The following HTR4 variants were observed in gnomAD, a reference collection of about 807,000 sequenced individuals.
The protein encoded by HTR4 is 5-hydroxytryptamine (serotonin) receptor 4, G protein-coupled.
HTR4 carries 16 observed loss-of-function variants against 36.8 expected under a neutral mutation model. The ratio of observed to expected loss-of-function variants is 0.43; its 90% CI spans 0.29 to 0.66. HTR4 has a LOEUF of 0.66. HTR4 is among the 30% of genes least tolerant of loss of function. The probability of loss-of-function intolerance (pLI) is 0.13; values close to 1 mark genes in which losing one functional copy is unlikely to be tolerated. For missense variants in HTR4, 438 were observed against 490.9 expected, an observed-to-expected ratio of 0.89 and a Z score of 1.02; for synonymous variants, 189 against 185.1, an observed-to-expected ratio of 1.02 and a Z score of -0.17.
chr5:148,490,580 G>T, intron 6 of HTR4: 2 of 1,139,584 alleles, frequency 1.8e-6, no homozygotes, highest in South Asian at 1.9e-5. Context: ...GGCTGAGAAC[G>T]TGTTATTCAA....
At chr5:148,563,560 A>T (rs1760307897) in intron 2 of HTR4, among the ~76,000 whole-genome samples, 1 of 152,170 alleles carries the variant, frequency 6.6e-6, no homozygotes, top group African/African-American at 2.4e-5. Flanking sequence ...AGTACCTAGC[A>T]CATAGTAGTG....
At chr5:148,551,492 C>G (rs780433872) in intron 2 of HTR4, among the ~76,000 whole-genome samples, 6 of 152,170 alleles carry the variant, frequency 3.9e-5, no homozygotes, top group Non-Finnish European at 8.8e-5. Context: ...GTAAACTCAG[C>G]ATTTTGTTTT....
intron 2 of HTR4, among the ~76,000 whole-genome samples, chr5:148,617,070 T>C (rs1752721947): frequency 6.6e-6 from 1 of 152,244 alleles, no homozygotes; most frequent in East Asian, 1.9e-4. Context: ...AATCTTATGT[T>C]GAACTATAAT....
At chr5:148,487,406 GGAA>G (rs1756213787) in intron 6 of HTR4, among the ~76,000 whole-genome samples, 1 of 152,050 alleles carries the variant, frequency 6.6e-6, no homozygotes, top group Admixed American at 6.6e-5. Flanking sequence ...GAGAAGAGGA[GGAA>G]GAAGAAAAGG....
rs545388772 is a variant in HTR4, at chr5:148,641,196, A to G, written c.-47-4135T>C. Among the ~76,000 whole-genome samples, 21 of 152,304 alleles carry G rather than the reference A, an allele frequency of 1.4e-4. No homozygotes were observed. In the South Asian group the frequency reaches 4.1e-3, roughly 30 times the overall value. On this transcript the variant is annotated intron_variant, in intron 1 of 6. Coordinates refer to ENST00000377888, the MANE Select transcript of HTR4 (RefSeq NM_000870.7). Reference sequence around the variant, plus strand: ...TACTTATATTTCTGGCTTCTTCACAAAACACTGCCTAGCTAATTAAAAACA... The same window carrying G: ...TACTTATATTTCTGGCTTCTTCACAGAACACTGCCTAGCTAATTAAAAACA...
chr5:148,526,202 A>G (rs1386879997), intron 4 of HTR4, among the ~76,000 whole-genome samples: 1 of 152,204 alleles, frequency 6.6e-6, no homozygotes, highest in Non-Finnish European at 1.5e-5. Flanking sequence ...GCTTTAGCAA[A>G]CTAATACAGT....
intron 6 of HTR4, 89 bp downstream of exon 6, chr5:148,509,367 A>C (rs1757380183): frequency 2.1e-6 from 2 of 962,366 alleles, no homozygotes; most frequent in Non-Finnish European, 3.1e-6. Flanking sequence ...GGTTTCAGGG[A>C]TAACCCCTTT....
chr5:148,502,592 C>G (rs1237595132), intron 6 of HTR4, among the ~76,000 whole-genome samples: 1 of 152,190 alleles, frequency 6.6e-6, no homozygotes, highest in African/African-American at 2.4e-5. Flanking sequence ...CAGAGCACCT[C>G]TCCCCCTACA....
chr5:148,540,938 T>C (rs1026569198), intron 4 of HTR4, among the ~76,000 whole-genome samples: 1 of 152,118 alleles, frequency 6.6e-6, no homozygotes, highest in Non-Finnish European at 1.5e-5. Flanking sequence ...CACTAGGAAT[T>C]TGCATTTAGA....
intron 6 of HTR4, among the ~76,000 whole-genome samples, chr5:148,504,764 A>AT (rs1327671403): frequency 6.6e-6 from 1 of 152,198 alleles, no homozygotes; most frequent in Non-Finnish European, 1.5e-5. Context: ...AATAAAGAAG[A>AT]AAAGAGAGAA....
intron 2 of HTR4, among the ~76,000 whole-genome samples, chr5:148,558,579 T>C (rs960621683): frequency 6.6e-6 from 1 of 152,228 alleles, no homozygotes; most frequent in African/African-American, 2.4e-5. Flanking sequence ...TCTCAGTCTG[T>C]AGGATCGAAC....
intron 2 of HTR4, among the ~76,000 whole-genome samples, chr5:148,583,446 T>A (rs1448319897): frequency 2.0e-5 from 3 of 151,338 alleles, no homozygotes; most frequent in African/African-American, 2.4e-5. Flanking sequence ...ATAATAATAA[T>A]AAATAAAGTT....
downstream of HTR4, among the ~76,000 whole-genome samples, chr5:148,479,023 C>T (rs1755793141): frequency 6.6e-6 from 1 of 151,738 alleles, no homozygotes; most frequent in South Asian, 2.1e-4. Context: ...TTTCTAAAGG[C>T]TTCAGCAGGG....
chr5:148,543,132 G>A (rs1759202722), intron 4 of HTR4, among the ~76,000 whole-genome samples: 1 of 152,156 alleles, frequency 6.6e-6, no homozygotes, highest in Non-Finnish European at 1.5e-5. Flanking sequence ...TTTAAGATTT[G>A]TTGACTGTGA....
intron 6 of HTR4, among the ~76,000 whole-genome samples, chr5:148,486,626 G>A (rs746738353): frequency 1.3e-5 from 2 of 152,172 alleles, no homozygotes; most frequent in Non-Finnish European, 2.9e-5. Flanking sequence ...ACAGAGACAG[G>A]CCTTCTGATT....
rs769095369 is a variant in HTR4 at position 148,548,707 on chromosome 5, G to A, written c.314C>T (p.Thr105Met). Residue 105 changes from threonine (T) to methionine (M), a missense_variant, in exon 4 of 7, where the codon ACG (threonine) becomes ATG (methionine). Thr to Met is a moderately conservative substitution (Grantham distance 81, BLOSUM62 -1). Coordinates refer to ENST00000377888, the MANE Select transcript of HTR4 (RefSeq NM_000870.7). ...GCAGCACAGGTGAAAAATCGATGCC[G>A]TTGTGAGCAGGACGTCCAGAGATGT... ...VRTSLDVLLT[T>M]ASIFHLCCIS... 29 of 1,610,734 alleles carry A rather than the reference G, an allele frequency of 1.8e-5. No homozygotes were observed. Among genetic ancestry groups the A allele is most frequent in the South Asian group, 4.4e-5 (4 of 90,568 alleles).
chr5:148,624,014 C>A (rs1255473178), intron 2 of HTR4, among the ~76,000 whole-genome samples: 1 of 152,088 alleles, frequency 6.6e-6, no homozygotes, highest in Non-Finnish European at 1.5e-5. Context: ...TTAGAGTGGG[C>A]TATTTGTATT....
At chr5:148,571,543 G>T (rs1218728577) in intron 2 of HTR4, among the ~76,000 whole-genome samples, 1 of 152,018 alleles carries the variant, frequency 6.6e-6, no homozygotes, top group Non-Finnish European at 1.5e-5. Context: ...TTTCATTTCA[G>T]TATTGTAAAG....
intron 4 of HTR4, among the ~76,000 whole-genome samples, chr5:148,544,812 TG>T (rs1254666113): frequency 3.3e-5 from 5 of 152,214 alleles, no homozygotes; most frequent in Admixed American, 2.0e-4. Context: ...TCCTACATTT[TG>T]CTTTGATCCA....
Sources: allele counts gnomAD v4.1 joint callset (sites outside exome capture counted in the v4.1 genomes callset), GRCh38; gene constraint gnomAD v4.1.1; transcripts MANE v1.5; gene names NCBI Gene and HGNC (gene_info 2026-07-23, HGNC 2026-07-21).